LOC128092252: variants seen among roughly 807,000 people sequenced by gnomAD.
the LOC128092252 span, among the ~76,000 whole-genome samples, chr15:50,684,647 A>G: frequency 1.3e-5 from 2 of 152,230 alleles, no homozygotes; most frequent in South Asian, 4.1e-4. Context: ...CTCAAACAAA[A>G]AGAAAAAAGA....
At chr15:50,659,723 A>G in the LOC128092252 span, among the ~76,000 whole-genome samples, 1 of 151,748 alleles carries the variant, frequency 6.6e-6, no homozygotes, top group Non-Finnish European at 1.5e-5. Context: ...GCTGGAGTGC[A>G]GTGGCACCTT....
chr15:50,669,597 C>T, the LOC128092252 span, among the ~76,000 whole-genome samples: 4 of 152,130 alleles, frequency 2.6e-5, no homozygotes, highest in Non-Finnish European at 2.9e-5. Flanking sequence ...CAAAGCAAAT[C>T]GGTCATACTA....
the LOC128092252 span, among the ~76,000 whole-genome samples, chr15:50,676,740 A>G: frequency 2.0e-5 from 3 of 152,112 alleles, no homozygotes; most frequent in Admixed American, 1.3e-4. Flanking sequence ...GAACAGCAAA[A>G]TATCAATAGA....
At chr15:50,661,196 C>T in the LOC128092252 span, among the ~76,000 whole-genome samples, 991 of 152,038 alleles carry the variant, frequency 6.5e-3, 9 homozygotes, top group Admixed American at 0.027. Context: ...AGGCTGGTCT[C>T]GAACTCCTGA....
At chr15:50,651,055 T>C in the LOC128092252 span, among the ~76,000 whole-genome samples, 3 of 152,006 alleles carry the variant, frequency 2.0e-5, no homozygotes, top group Non-Finnish European at 2.9e-5. Flanking sequence ...GGCGTGGTGA[T>C]GCACGCCTGT....
the LOC128092252 span, among the ~76,000 whole-genome samples, chr15:50,672,415 A>T: frequency 6.6e-6 from 1 of 151,670 alleles, no homozygotes; most frequent in Non-Finnish European, 1.5e-5. Context: ...TTCAGGAAGT[A>T]TTCCAGAAGG....
the LOC128092252 span, among the ~76,000 whole-genome samples, chr15:50,679,538 A>ATATATTTTTTTTTTTTTTT: frequency 4.6e-5 from 2 of 43,904 alleles, no homozygotes; most frequent in African/African-American, 2.1e-4. Flanking sequence ...ATATATATAT[A>ATATATTTTTTTTTTTTTTT]TTTTTTTTTT....
chr15:50,679,538 A>ATATATTTTTTTTTTTTTTTT, the LOC128092252 span, among the ~76,000 whole-genome samples: 1 of 43,904 alleles, frequency 2.3e-5, no homozygotes, highest in African/African-American at 1.1e-4. Context: ...ATATATATAT[A>ATATATTTTTTTTTTTTTTTT]TTTTTTTTTT....
the LOC128092252 span, among the ~76,000 whole-genome samples, chr15:50,678,246 AAAAAACAAAAAC>A: frequency 0.037 from 5,288 of 142,530 alleles, 378 homozygotes; most frequent in Middle Eastern, 0.069. Context: ...TCTCAAAAAA[AAAAAACAAAAAC>A]AAAAACAAAA....
At chr15:50,658,476 GGGA>G in the LOC128092252 span, among the ~76,000 whole-genome samples, 1 of 151,766 alleles carries the variant, frequency 6.6e-6, no homozygotes, top group Non-Finnish European at 1.5e-5. Context: ...AGGCTGAGGT[GGGA>G]GGATTCCTTG....
chr15:50,682,560 G>C, the LOC128092252 span, among the ~76,000 whole-genome samples: 1 of 147,472 alleles, frequency 6.8e-6, no homozygotes, highest in Non-Finnish European at 1.5e-5. Flanking sequence ...TGGGCGACAA[G>C]AGGGAAACTC....
At chr15:50,678,537 T>C in the LOC128092252 span, among the ~76,000 whole-genome samples, 299 of 143,988 alleles carry the variant, frequency 2.1e-3, 2 homozygotes, top group African/African-American at 7.3e-3. Flanking sequence ...TATATATATA[T>C]ATATACACAC....
the LOC128092252 span, among the ~76,000 whole-genome samples, chr15:50,666,965 T>C: frequency 6.6e-6 from 1 of 152,202 alleles, no homozygotes; most frequent in Non-Finnish European, 1.5e-5. Context: ...TTTACTTTAC[T>C]GTATGGATTC....
At chr15:50,679,522 ATATATATATATATATATT>A in the LOC128092252 span, among the ~76,000 whole-genome samples, 23 of 23,308 alleles carry the variant, frequency 9.9e-4, 1 homozygote, top group African/African-American at 3.0e-3. Context: ...ATATATATAT[ATATATATATATATATATT>A]TTTTTTTTTT....
At chr15:50,650,603 G>A in the LOC128092252 span, among the ~76,000 whole-genome samples, 140 of 152,164 alleles carry the variant, frequency 9.2e-4, 2 homozygotes, top group Admixed American at 1.8e-3. Context: ...GCTGAGGCAG[G>A]AGAATCGCTT....
chr15:50,680,888 G>C, the LOC128092252 span, among the ~76,000 whole-genome samples: 2 of 152,220 alleles, frequency 1.3e-5, no homozygotes, highest in Non-Finnish European at 1.5e-5. Flanking sequence ...AGTGATTTTT[G>C]ATTCTCTGCT....
At chr15:50,679,551 T>TGAGACAGAGTC in the LOC128092252 span, among the ~76,000 whole-genome samples, 1 of 121,910 alleles carries the variant, frequency 8.2e-6, no homozygotes, top group Non-Finnish European at 1.7e-5. Flanking sequence ...TTTTTTTTTT[T>TGAGACAGAGTC]TTGAGACAGA....
chr15:50,686,708 A>G, the LOC128092252 span: 3 of 815,966 alleles, frequency 3.7e-6, no homozygotes, highest in South Asian at 1.9e-5. Flanking sequence ...GCAGAAGCCG[A>G]GTCTTTCATA....
chr15:50,677,362 A>G, the LOC128092252 span, among the ~76,000 whole-genome samples: 1 of 152,008 alleles, frequency 6.6e-6, no homozygotes, highest in Admixed American at 6.6e-5. Context: ...GGGCTTCAAG[A>G]TATGAATTCT....
Sources: allele counts gnomAD v4.1 joint callset (sites outside exome capture counted in the v4.1 genomes callset), GRCh38; gene constraint gnomAD v4.1.1; transcripts MANE v1.5.